OSBPL3: variants seen among roughly 807,000 people sequenced by gnomAD.
OSBPL3 encodes the protein oxysterol binding protein like 3.
In OSBPL3, 65 loss-of-function variants were observed where a neutral mutation model predicts 120.1. The observed-to-expected ratio is 0.54, with a 90% confidence interval of 0.44 to 0.67. The LOEUF (loss-of-function observed/expected upper bound fraction) is 0.67. OSBPL3 is among the 30% of genes least tolerant of loss of function. OSBPL3 has a pLI of 0.00. For synonymous variants in OSBPL3, 416 were observed against 402.6 expected (o/e 1.03, Z -0.40); for missense variants, 1,004 against 1,082.1 (o/e 0.93, Z 1.01).
chr7:24,950,559 A>G (rs377703599), intron 1 of OSBPL3, among the ~76,000 whole-genome samples: 6 of 152,276 alleles, frequency 3.9e-5, no homozygotes, highest in East Asian at 1.9e-4. Flanking sequence ...CGTCTCTACT[A>G]AAAATACAAA....
chr7:24,925,707 G>A (rs895755802), intron 1 of OSBPL3, among the ~76,000 whole-genome samples: 7 of 152,196 alleles, frequency 4.6e-5, no homozygotes, highest in African/African-American at 1.4e-4. Context: ...GTAGCAGACA[G>A]AATCACTGAA....
intron 13 of OSBPL3, among the ~76,000 whole-genome samples, chr7:24,841,101 A>C (rs1797683003): frequency 6.6e-6 from 1 of 152,158 alleles, no homozygotes; most frequent in African/African-American, 2.4e-5. Flanking sequence ...AGAAGTTACA[A>C]TTTGTCTTTG....
Position 24,809,902 on chromosome 7 carries a change from T to C in OSBPL3, c.2222A>G (p.Asp741Gly), listed in dbSNP as rs911780165. 3 of 1,614,060 alleles carry C rather than the reference T, an allele frequency of 1.9e-6. No homozygotes were observed. Among genetic ancestry groups the C allele is most frequent in the African/African-American group, 1.3e-5 (1 of 74,928 alleles). The change falls in exon 20 of 23, where the codon GAC becomes GGC. Residue 741 changes from aspartate (D) to glycine (G), a missense_variant. Asp to Gly is a moderately conservative substitution (Grantham distance 94). This residue lies in a region of OSBPL3 where 473 missense variants were observed against 568.0 expected (regional missense o/e 0.83). Coordinates refer to ENST00000313367, the MANE Select transcript of OSBPL3 (RefSeq NM_015550.4). ...CCGATGAACCGCTTTTCCACTCCTGTCAAACACTGTGCCTTCAATCTCATG... is the reference window on the plus strand; with the variant it reads ...CCGATGAACCGCTTTTCCACTCCTGCCAAACACTGTGCCTTCAATCTCATG... ...NAHEIEGTVF[D>G]RSGKAVHRLF...
intron 5 of OSBPL3, among the ~76,000 whole-genome samples, chr7:24,869,112 C>T (rs1801763340): frequency 1.3e-5 from 2 of 152,166 alleles, no homozygotes; most frequent in African/African-American, 4.8e-5. Flanking sequence ...CACTAAGAGT[C>T]ATAACCGATG....
chr7:24,801,183 G>A (rs1792291572), intron 22 of OSBPL3, among the ~76,000 whole-genome samples: 1 of 138,066 alleles, frequency 7.2e-6, no homozygotes, highest in Non-Finnish European at 1.5e-5. Flanking sequence ...AGAGGTTGCA[G>A]CAGAGAGCTA....
rs573691708 is a variant in OSBPL3, at chr7:24,928,317, G to A, written c.-149-35696C>T. Among the ~76,000 whole-genome samples the A allele has an allele frequency of 3.1e-3, 466 of 149,920 alleles. 1 individual carries two copies. The Middle Eastern group carries it at 0.038, about 12-fold the overall frequency. On this transcript the variant is annotated intron_variant, in intron 1 of 22. Coordinates refer to ENST00000313367, the MANE Select transcript of OSBPL3 (RefSeq NM_015550.4). The stretch of plus-strand genomic sequence containing the variant: ...CGCCATTCTCCTGCCTCAGCCTCCC[G>A]AGTAGCTGGGACTATAGGCGCCCGC...
rs1791876019 is a variant in OSBPL3, at chr7:24,797,761, AACT to A, written c.*2419_*2421del. The A allele has an allele frequency of 6.6e-6, 1 of 152,156 alleles. No individual in the cohort carries two copies. The highest frequency in any genetic ancestry group is 1.5e-5 in the Non-Finnish European group (1 of 68,034). The allele number at this position is 152,156 out of a possible 1,614,324, so 9.4% of individuals were successfully genotyped here. ...AAAAAAAAAAGAGGTTAAAACATGTAACTCAAATGGTACAGTGATTAGCATTAT... is the reference window on the plus strand; with the variant it reads ...AAAAAAAAAAGAGGTTAAAACATGTACAAATGGTACAGTGATTAGCATTAT... On this transcript the variant is annotated 3_prime_UTR_variant, in exon 23 of 23. Coordinates refer to ENST00000313367, the MANE Select transcript of OSBPL3 (RefSeq NM_015550.4). This position sits in a 1 kb window ranked among gnomAD's most constrained non-coding sequence, Gnocchi z 4.8.
rs1231667427 is a variant in OSBPL3 at position 24,830,761 on chromosome 7, C to CATCT, written c.1884+3_1884+6dup. ...CTCCCAACAAGCAAAAAATGGTGTA[C>CATCT]ATCTACCTGTTCTGAAAAAAACTGG... On this transcript the variant is annotated splice_region_variant and intron_variant, in intron 16 of 22. Transcript: ENST00000313367. The surrounding 1 kb of genome is among the most constrained non-coding windows in gnomAD (Gnocchi z 4.4). 22 of 1,606,614 alleles carry CATCT rather than the reference C, an allele frequency of 1.4e-5. No homozygotes were observed. The highest frequency in any genetic ancestry group is 1.9e-5 in the Non-Finnish European group (22 of 1,178,082).
intron 1 of OSBPL3, among the ~76,000 whole-genome samples, chr7:24,926,614 T>A (rs1274769081): frequency 1.3e-5 from 2 of 152,180 alleles, no homozygotes; most frequent in Non-Finnish European, 2.9e-5. Context: ...TGCCCACCCT[T>A]ACTGTGGGCA....
In OSBPL3 at chr7:24,947,699, T is replaced by C. The variant is rs923734647; in HGVS notation, c.-150+32187A>G. On this transcript the variant is annotated intron_variant, in intron 1 of 22. Transcript: ENST00000313367. This position sits in a 1 kb window ranked among gnomAD's most constrained non-coding sequence, Gnocchi z 4.4. ...TTTATTGAAATTTGAACATTAGAAATATGCTACAAACTAAACTATAATCTG... is the reference window on the plus strand; with the variant it reads ...TTTATTGAAATTTGAACATTAGAAACATGCTACAAACTAAACTATAATCTG... Among the ~76,000 whole-genome samples the C allele has an allele frequency of 6.6e-6, 1 of 152,030 alleles. No homozygotes were observed. Among genetic ancestry groups the C allele is most frequent in the Non-Finnish European group, 1.5e-5 (1 of 68,004 alleles).
chr7:24,945,141 A>C (rs754893796), intron 1 of OSBPL3, among the ~76,000 whole-genome samples: 2 of 152,206 alleles, frequency 1.3e-5, no homozygotes, highest in Non-Finnish European at 2.9e-5. Flanking sequence ...ACAAATAAAA[A>C]AGAAAAACAC....
chr7:24,800,573 C>T (rs2128087866), intron 22 of OSBPL3, among the ~76,000 whole-genome samples: 1 of 151,058 alleles, frequency 6.6e-6, no homozygotes, highest in Non-Finnish European at 1.5e-5. Flanking sequence ...TCTCCTGCCT[C>T]AGCCTCCCGA....
chr7:24,832,527 AAAAAG>A (rs1250643999), intron 15 of OSBPL3, among the ~76,000 whole-genome samples: 28 of 151,416 alleles, frequency 1.8e-4, no homozygotes, highest in Admixed American at 1.4e-3. Flanking sequence ...AAAAAAAAAA[AAAAAG>A]AAGAAGAAAA....
chr7:24,812,431 T>C (rs1170818503), intron 19 of OSBPL3, among the ~76,000 whole-genome samples: 2 of 152,122 alleles, frequency 1.3e-5, no homozygotes, highest in Non-Finnish European at 2.9e-5. Flanking sequence ...TTGCACTCTA[T>C]TCTGCTCAGT....
At position 24,808,223 on chromosome 7, in the gene OSBPL3, A is replaced by T. The variant is rs2051755; in HGVS notation, c.2318-1321T>A. On this transcript the variant is annotated intron_variant, in intron 20 of 22. Transcript: ENST00000313367. The surrounding 1 kb of genome is among the most constrained non-coding windows in gnomAD (Gnocchi z 4.6). ...ACTGGGACCCATTTTTTGAATCTTC[A>T]TAAGTCCTCCTTGTAACTAGTCTAA... Among the ~76,000 whole-genome samples, 1 of 152,158 alleles carries T rather than the reference A, an allele frequency of 6.6e-6. No individual in the cohort carries two copies. The highest frequency in any genetic ancestry group is 1.5e-5 in the Non-Finnish European group (1 of 67,982).
In OSBPL3 at chr7:24,930,031, G is replaced by A. The variant is rs1309866185; in HGVS notation, c.-149-37410C>T. ...AGCAAGGTAAGGGTAAAGTAAAGGT[G>A]AAGGCATCGTTAATGATAAAGGAAG... is the stretch of plus-strand genomic sequence containing the variant. On this transcript the variant is annotated intron_variant, in intron 1 of 22. Coordinates refer to ENST00000313367, the MANE Select transcript of OSBPL3 (RefSeq NM_015550.4). The surrounding 1 kb of genome is among the most constrained non-coding windows in gnomAD (Gnocchi z 4.4). Among the ~76,000 whole-genome samples the A allele has an allele frequency of 6.6e-6, 1 of 152,172 alleles. No homozygotes were observed. Among genetic ancestry groups the A allele is most frequent in the Non-Finnish European group, 1.5e-5 (1 of 68,016 alleles).
chr7:24,891,336 G>A lies in OSBPL3; in HGVS notation c.96+1041C>T, dbSNP rs1431848465. On this transcript the variant is annotated intron_variant, in intron 2 of 22. Transcript: ENST00000313367. This position sits in a 1 kb window ranked among gnomAD's most constrained non-coding sequence, Gnocchi z 4.1. Reference sequence around the variant, plus strand: ...GTCTGTGGCAAAATCTAATTTCCTGGAATCACAGATTCATGGGTGGCAAAG... The same window carrying A: ...GTCTGTGGCAAAATCTAATTTCCTGAAATCACAGATTCATGGGTGGCAAAG... Among the ~76,000 whole-genome samples the A allele has an allele frequency of 1.3e-5, 2 of 152,088 alleles. No homozygotes were observed. Among genetic ancestry groups the A allele is most frequent in the East Asian group, 3.9e-4 (2 of 5,180 alleles).
At chr7:24,909,132 G>A (rs553207924) in intron 1 of OSBPL3, among the ~76,000 whole-genome samples, 2 of 152,208 alleles carry the variant, frequency 1.3e-5, no homozygotes, top group African/African-American at 2.4e-5. Flanking sequence ...ACCAGTGAAC[G>A]GGGTGATAAC....
At chr7:24,816,822 C>T (rs1794531174) in intron 17 of OSBPL3, 134 bp from the exon 18 acceptor site, 1 of 654,508 alleles carries the variant, frequency 1.5e-6, no homozygotes, top group Non-Finnish European at 2.7e-6. Flanking sequence ...TATAGGATAA[C>T]TTTTCATAAA....
Sources: gnomAD v4.1 joint callset for allele counts (sites outside exome capture counted in the v4.1 genomes callset) on GRCh38, gnomAD v4.1.1 for gene constraint, gnomAD v4.1.1 regional missense constraint, Gnocchi (gnomAD v3.1) non-coding constraint, MANE v1.5 for transcripts, NCBI Gene and HGNC (gene_info 2026-07-23, HGNC 2026-07-21) for gene names.